The following BAG3 variants were observed in gnomAD, a reference collection of about 807,000 sequenced individuals.
BAG3 encodes the protein BAG family molecular chaperone regulator 3.
Under a neutral mutation model 40.5 loss-of-function variants are expected in BAG3, and 14 were observed. That is an observed-to-expected ratio of 0.35 (90% CI 0.23 to 0.54). The LOEUF is 0.54. BAG3 is among the 20% of genes least tolerant of loss of function. BAG3 has a pLI of 0.91. For missense variants in BAG3, 788 were observed against 758.6 expected (o/e 1.04, Z -0.46); for synonymous variants, 302 against 307.8 (o/e 0.98, Z 0.20).
chr10:119,659,565 G>C (rs1846963920), intron 1 of BAG3, among the ~76,000 whole-genome samples: 1 of 152,220 alleles, frequency 6.6e-6, no homozygotes, highest in African/African-American at 2.4e-5. Context: ...CTGCAGGTGG[G>C]AGCAGAGCCC....
At chr10:119,673,803 G>A (rs577795823) in intron 3 of BAG3, among the ~76,000 whole-genome samples, 4 of 152,330 alleles carry the variant, frequency 2.6e-5, no homozygotes, top group Non-Finnish European at 5.9e-5. Context: ...CAATATGTCT[G>A]CATTCGCCTT....
In BAG3 at chr10:119,669,857, C is replaced by T; in HGVS notation, c.187C>T (p.Pro63Ser). The T allele has an allele frequency of 6.2e-7, 1 of 1,614,164 alleles. No individual in the cohort carries two copies. Among genetic ancestry groups the T allele is most frequent in the Non-Finnish European group, 8.5e-7 (1 of 1,180,016 alleles). ...RVPSEGPKET[P>S]SSANGPSREG... ...TCTCCACTTTTTATTTCAGGAGACT[C>T]CATCCTCTGCCAATGGCCCTTCCCG... The change falls in exon 2 of 4, where the codon CCA becomes TCA. Residue 63 changes from proline to serine, a missense_variant. Coordinates refer to ENST00000369085, the MANE Select transcript of BAG3 (RefSeq NM_004281.4).
At chr10:119,663,866 G>A (rs1425166177) in intron 1 of BAG3, among the ~76,000 whole-genome samples, 3 of 152,044 alleles carry the variant, frequency 2.0e-5, no homozygotes, top group Admixed American at 6.6e-5. Flanking sequence ...ACACACCTAC[G>A]GAATCAGACC....
In BAG3 at chr10:119,670,119, A is replaced by G; in HGVS notation, c.449A>G (p.Gln150Arg). The change falls in exon 2 of 4, where the codon CAG becomes CGG. Residue 150 changes from glutamine to arginine, a missense_variant. Gln to Arg is a conservative substitution (Grantham distance 43, BLOSUM62 1). Transcript: ENST00000369085. ...GMPETTQPDK[Q>R]CGQVAAAAAA... is the part of the protein sequence containing the mutation. Reference sequence around the variant, plus strand: ...CCAGAAACCACTCAGCCAGATAAACAGTGTGGACAGGTGGCAGCGGCGGCG... The same window carrying G: ...CCAGAAACCACTCAGCCAGATAAACGGTGTGGACAGGTGGCAGCGGCGGCG... 1 of 1,613,434 alleles carries G rather than the reference A, an allele frequency of 6.2e-7. No homozygotes were observed. The highest frequency in any genetic ancestry group is 8.5e-7 in the Non-Finnish European group (1 of 1,179,492).
At chr10:119,668,574 C>T (rs919838909) in intron 1 of BAG3, among the ~76,000 whole-genome samples, 2 of 152,242 alleles carry the variant, frequency 1.3e-5, no homozygotes, top group African/African-American at 2.4e-5. Context: ...TGTTGCGCAG[C>T]CCAGCTTGCT....
At chr10:119,658,464 A>G (rs1846945428) in intron 1 of BAG3, among the ~76,000 whole-genome samples, 1 of 152,214 alleles carries the variant, frequency 6.6e-6, no homozygotes, top group African/African-American at 2.4e-5. Flanking sequence ...GGCTGGCCTG[A>G]TGACTCAGCA....
rs778793737 is a variant in BAG3 at position 119,676,653 on chromosome 10, C to T, written c.1099C>T (p.Pro367Ser). 6.2e-7 allele frequency: 1 copy of T among 1,614,154 alleles called. No homozygotes were observed. The highest frequency in any genetic ancestry group is 8.5e-7 in the Non-Finnish European group (1 of 1,180,024). ...CTCTGAGAAGGTAGAGGTGAAAGTT[C>T]CCCCTGCTCCAGTTCCTTGTCCTCC... ...PPSEKVEVKV[P>S]PAPVPCPPPS... Residue 367 changes from proline to serine, a missense_variant, in exon 4 of 4, where the codon CCC becomes TCC. Coordinates refer to ENST00000369085, the MANE Select transcript of BAG3 (RefSeq NM_004281.4).
rs766749403 is a variant in BAG3, at chr10:119,651,647, G to A, written c.-29G>A. On this transcript the variant is annotated 5_prime_UTR_variant, in exon 1 of 4. Transcript: ENST00000369085. The stretch of plus-strand genomic sequence containing the variant: ...CGCCCGGAGCCAGCGCCCCGCACCC[G>A]CGCCCCAGCGGGCAGACCCCAACCC... 4 of 1,514,088 alleles carry A rather than the reference G, an allele frequency of 2.6e-6. No homozygotes were observed. Among genetic ancestry groups the A allele is most frequent in the Admixed American group, 4.1e-5 (2 of 48,768 alleles). The allele number at this position is 1,514,088 out of a possible 1,614,324, so 93.8% of individuals were successfully genotyped here. A position where few individuals can be genotyped will look rare whatever the true frequency, so the allele number is the denominator to read the frequency against.
intron 1 of BAG3, among the ~76,000 whole-genome samples, chr10:119,669,085 G>A (rs75490661): frequency 0.039 from 5,947 of 152,230 alleles, 184 homozygotes; most frequent in Middle Eastern, 0.13. Flanking sequence ...TAGTGAGGCT[G>A]GGGAGGGGGT....
Position 119,654,682 on chromosome 10 carries a change from G to C in BAG3, c.180+2827G>C, listed in dbSNP as rs924344381. ...CTGGATTTTGATTTTCTGCACACTT[G>C]GGCTTCCCACTAATTTGGCAAGTTC... On this transcript the variant is annotated intron_variant, in intron 1 of 3. Transcript: ENST00000369085. 4.6e-5 allele frequency among the ~76,000 whole-genome samples: 7 copies of C among 152,194 alleles called. No homozygotes were observed. The South Asian group carries it at 1.4e-3, about 32-fold the overall frequency.
chr10:119,664,852 G>T (rs1366833842), intron 1 of BAG3, among the ~76,000 whole-genome samples: 2 of 152,096 alleles, frequency 1.3e-5, no homozygotes, highest in Non-Finnish European at 2.9e-5. Flanking sequence ...CTCTTTGCTA[G>T]ATTGTGTTGA....
At chr10:119,657,618 C>A (rs746528613) in intron 1 of BAG3, 1 of 471,014 alleles carries the variant, frequency 2.1e-6, no homozygotes, top group African/African-American at 2.0e-5. Flanking sequence ...CAGAGTTGTC[C>A]TGGGCTCCTA....
chr10:119,675,901 C>CTT (rs1417651103), intron 3 of BAG3, among the ~76,000 whole-genome samples: 6 of 23,910 alleles, frequency 2.5e-4, no homozygotes, highest in Non-Finnish European at 3.8e-4. Flanking sequence ...TCCTTCCTTC[C>CTT]CCCCTTCCTT....
intron 1 of BAG3, among the ~76,000 whole-genome samples, chr10:119,660,719 A>G (rs1421506814): frequency 6.6e-6 from 1 of 152,156 alleles, no homozygotes; most frequent in Non-Finnish European, 1.5e-5. Context: ...TAAAAAAAGA[A>G]TTAGGCTTTG....
Position 119,674,495 on chromosome 10 carries a change from C to G in BAG3, c.909+1839C>G, listed in dbSNP as rs118143027. ...GGTGACCTCCCTTTTAGAGCTGATTCAAAGTTCCCTTTTGGGAGGCTTTCC... is the reference window on the plus strand; with the variant it reads ...GGTGACCTCCCTTTTAGAGCTGATTGAAAGTTCCCTTTTGGGAGGCTTTCC... On this transcript the variant is annotated intron_variant, in intron 3 of 3. Coordinates refer to ENST00000369085, the MANE Select transcript of BAG3 (RefSeq NM_004281.4). Among the ~76,000 whole-genome samples the G allele has an allele frequency of 8.5e-4, 130 of 152,308 alleles. 2 individuals carry two copies. Among genetic ancestry groups the G allele is most frequent in the Admixed American group, 4.6e-3 (70 of 15,300 alleles).
chr10:119,654,016 A>G (rs1480231444), intron 1 of BAG3, among the ~76,000 whole-genome samples: 1 of 152,182 alleles, frequency 6.6e-6, no homozygotes, highest in Non-Finnish European at 1.5e-5. Context: ...CAAGTGAATG[A>G]CTTGAGACTT....
In BAG3 at chr10:119,676,312, A is replaced by G. The variant is rs997874002; in HGVS notation, c.910-152A>G. 12 of 737,104 alleles carry G rather than the reference A, an allele frequency of 1.6e-5. No homozygotes were observed. The African/African-American group carries it at 2.1e-4, about 13-fold the overall frequency. 45.7% of individuals were successfully genotyped at this position (737,104 alleles called of 1,614,324 possible). A position where few individuals can be genotyped will look rare whatever the true frequency, so the allele number is the denominator to read the frequency against. On this transcript the variant is annotated intron_variant, in intron 3 of 3. Coordinates refer to ENST00000369085, the MANE Select transcript of BAG3 (RefSeq NM_004281.4). ...ATTAATACCATGTTTTTATTTTGTA[A>G]CAGCCATTGATTGACTTTGAAAATC... is the stretch of plus-strand genomic sequence containing the variant.
chr10:119,651,795 G>A lies in BAG3; in HGVS notation c.120G>A (p.Val40=), dbSNP rs1846844374. Residue 40 remains valine (V), a synonymous_variant, in exon 1 of 4, where the codon GTG becomes GTA. Coordinates refer to ENST00000369085, the MANE Select transcript of BAG3 (RefSeq NM_004281.4). ...CGCAGACCGGCTGGCCCTTCTTCGTGGACCACAACAGCCGCACCACTACGT... is the reference window on the plus strand; with the variant it reads ...CGCAGACCGGCTGGCCCTTCTTCGTAGACCACAACAGCCGCACCACTACGT... ...IDPQTGWPFF[V]DHNSRTTTWN... is the part of the protein sequence containing the mutation. 1 of 1,601,908 alleles carries A rather than the reference G, an allele frequency of 6.2e-7. No individual in the cohort carries two copies. Among genetic ancestry groups the A allele is most frequent in the African/African-American group, 1.4e-5 (1 of 74,050 alleles).
At chr10:119,675,870 CCCCTT>C (rs1847222144) in intron 3 of BAG3, among the ~76,000 whole-genome samples, 1 of 38,630 alleles carries the variant, frequency 2.6e-5, no homozygotes, top group Non-Finnish European at 5.0e-5. Flanking sequence ...TCCCCCTTGC[CCCCTT>C]CTCCCCTTCC....
Sources: allele counts gnomAD v4.1 joint callset (sites outside exome capture counted in the v4.1 genomes callset), GRCh38; gene constraint gnomAD v4.1.1; transcripts MANE v1.5; gene names NCBI Gene and HGNC (gene_info 2026-07-23, HGNC 2026-07-21).